The following ERBB4 variants were observed in gnomAD, a reference collection of about 807,000 sequenced individuals.
ERBB4 encodes receptor tyrosine-protein kinase erbB-4.
In ERBB4, 42 loss-of-function variants were observed where a neutral mutation model predicts 158.0. That is an observed-to-expected ratio of 0.27 (90% CI 0.21 to 0.34). The LOEUF is 0.34. Ranked by LOEUF, ERBB4 falls within the 10% of genes least tolerant of loss-of-function variation. The probability of loss-of-function intolerance (pLI) is 1.00; values close to 1 mark genes in which losing one functional copy is unlikely to be tolerated. For synonymous variants in ERBB4, 583 were observed against 558.7 expected (o/e 1.04, Z -0.61); for missense variants, 1,333 against 1,624.1 (o/e 0.82, Z 3.08).
At chr2:211,794,435 T>C (rs2076340254) in intron 3 of ERBB4, among the ~76,000 whole-genome samples, 1 of 151,968 alleles carries the variant, frequency 6.6e-6, no homozygotes, top group Non-Finnish European at 1.5e-5. Flanking sequence ...GGATTAGAAC[T>C]ATGATGTACA....
chr2:212,478,501 T>C (rs1689521309), intron 1 of ERBB4, among the ~76,000 whole-genome samples: 1 of 152,080 alleles, frequency 6.6e-6, no homozygotes, highest in South Asian at 2.1e-4. Flanking sequence ...TATTCAGTGA[T>C]AGAAGTCTAG....
intron 1 of ERBB4, among the ~76,000 whole-genome samples, chr2:212,435,280 A>G (rs1279865170): frequency 6.6e-6 from 1 of 151,926 alleles, no homozygotes; most frequent in Non-Finnish European, 1.5e-5. Flanking sequence ...ACACACCTTG[A>G]TTTCCAAGTA....
chr2:212,005,934 T>C (rs2076248664), intron 2 of ERBB4, among the ~76,000 whole-genome samples: 1 of 151,864 alleles, frequency 6.6e-6, no homozygotes, highest in African/African-American at 2.4e-5. Flanking sequence ...AAAAAATAAA[T>C]ACATAAATAA....
chr2:212,164,296 T>A (rs1396742122), intron 1 of ERBB4, among the ~76,000 whole-genome samples: 6 of 151,630 alleles, frequency 4.0e-5, no homozygotes, highest in South Asian at 2.1e-4. Flanking sequence ...ATGATATTTT[T>A]AAAAAAACAA....
At chr2:212,137,674 C>A (rs1369501457) in intron 1 of ERBB4, among the ~76,000 whole-genome samples, 1 of 152,114 alleles carries the variant, frequency 6.6e-6, no homozygotes, top group Non-Finnish European at 1.5e-5. Flanking sequence ...ATTTATATTC[C>A]TCTGGGCATA....
Position 211,822,263 on chromosome 2 carries a change from A to T in ERBB4, c.422-34104T>A, listed in dbSNP as rs960499481. Reference sequence around the variant, plus strand: ...TGTAGGATAACTATGGTTAATAATAATATATAGTTTAAAATAGCTAGAAGG... The same window carrying T: ...TGTAGGATAACTATGGTTAATAATATTATATAGTTTAAAATAGCTAGAAGG... On this transcript the variant is annotated intron_variant, in intron 3 of 27. Transcript: ENST00000342788. Among the ~76,000 whole-genome samples the T allele has an allele frequency of 7.9e-5, 12 of 151,994 alleles. No homozygotes were observed. In the East Asian group the frequency reaches 2.3e-3, roughly 29 times the overall value.
At chr2:211,929,126 T>G (rs908099077) in intron 3 of ERBB4, among the ~76,000 whole-genome samples, 4 of 152,054 alleles carry the variant, frequency 2.6e-5, no homozygotes, top group African/African-American at 9.7e-5. Context: ...CTCAGTACAG[T>G]TTGTGATCTC....
intron 20 of ERBB4, among the ~76,000 whole-genome samples, chr2:211,464,359 A>T (rs113043126): frequency 2.0e-4 from 30 of 152,320 alleles, no homozygotes; most frequent in African/African-American, 7.0e-4. Flanking sequence ...CCTTCCAAAC[A>T]GTTGGGGTAT....
At chr2:211,601,101 A>G (rs1034639563) in intron 19 of ERBB4, among the ~76,000 whole-genome samples, 1 of 152,140 alleles carries the variant, frequency 6.6e-6, no homozygotes, top group African/African-American at 2.4e-5. Context: ...AAAACATATG[A>G]AAAAATATAT....
intron 19 of ERBB4, among the ~76,000 whole-genome samples, chr2:211,604,034 T>C (rs1330127582): frequency 6.6e-6 from 1 of 152,244 alleles, no homozygotes; most frequent in Non-Finnish European, 1.5e-5. Flanking sequence ...TCTCAAAATA[T>C]TCATTAGTTT....
At chr2:211,950,942 A>G (rs1418750949) in intron 2 of ERBB4, among the ~76,000 whole-genome samples, 1 of 152,156 alleles carries the variant, frequency 6.6e-6, no homozygotes, top group Non-Finnish European at 1.5e-5. Context: ...TACCTCTTTG[A>G]GCTCTTAAAG....
At chr2:212,241,199 G>A (rs2084090530) in intron 1 of ERBB4, among the ~76,000 whole-genome samples, 1 of 152,092 alleles carries the variant, frequency 6.6e-6, no homozygotes, top group Non-Finnish European at 1.5e-5. Context: ...TGAGGCTGCA[G>A]CGGGCTATGA....
intron 25 of ERBB4, among the ~76,000 whole-genome samples, chr2:211,409,270 C>G (rs919996516): frequency 6.6e-6 from 1 of 152,092 alleles, no homozygotes; most frequent in Non-Finnish European, 1.5e-5. Context: ...TACTTTGCCT[C>G]TCTGCTTCAT....
chr2:211,506,885 G>C (rs374910445), intron 20 of ERBB4, among the ~76,000 whole-genome samples: 3 of 152,020 alleles, frequency 2.0e-5, no homozygotes, highest in African/African-American at 7.2e-5. Context: ...AGAACTAAAT[G>C]AGATTGAGAC....
chr2:212,142,444 T>C (rs1313655315), intron 1 of ERBB4, among the ~76,000 whole-genome samples: 5 of 151,714 alleles, frequency 3.3e-5, no homozygotes, highest in Admixed American at 3.3e-4. Context: ...ATAACCCAAA[T>C]GTTATTTCTG....
intron 2 of ERBB4, among the ~76,000 whole-genome samples, chr2:211,995,306 T>A (rs1198740038): frequency 6.6e-6 from 1 of 152,230 alleles, no homozygotes. Context: ...AAAATACATT[T>A]AATATTTTAG....
chr2:211,924,214 A>G (rs1046480063), intron 3 of ERBB4, among the ~76,000 whole-genome samples: 1 of 152,202 alleles, frequency 6.6e-6, no homozygotes, highest in Non-Finnish European at 1.5e-5. Context: ...CATAGCACAC[A>G]CTAAAACTTA....
chr2:211,797,271 G>T (rs1250622482), intron 3 of ERBB4, among the ~76,000 whole-genome samples: 2 of 151,782 alleles, frequency 1.3e-5, no homozygotes, highest in Non-Finnish European at 2.9e-5. Flanking sequence ...TAAGGGGACG[G>T]TCATATTAGT....
At chr2:211,786,257 A>G (rs2076161627) in intron 4 of ERBB4, among the ~76,000 whole-genome samples, 1 of 152,182 alleles carries the variant, frequency 6.6e-6, no homozygotes, top group Non-Finnish European at 1.5e-5. Context: ...GTCTGAGATT[A>G]CCTCTGGGGA....
Sources: gnomAD v4.1 joint callset for allele counts (sites outside exome capture counted in the v4.1 genomes callset) on GRCh38, gnomAD v4.1.1 for gene constraint, MANE v1.5 for transcripts, NCBI Gene and HGNC (gene_info 2026-07-23, HGNC 2026-07-21) for gene names.